The following SLC45A2 variants were observed in gnomAD, a reference collection of about 807,000 sequenced individuals.
SLC45A2 encodes the protein membrane-associated transporter protein.
Under a neutral mutation model 45.5 loss-of-function variants are expected in SLC45A2, and 36 were observed. That is an observed-to-expected ratio of 0.79 (90% CI 0.61 to 1.04). The LOEUF (loss-of-function observed/expected upper bound fraction) is 1.04. Among genes scored for constraint, SLC45A2 ranks in the 50% least tolerant of loss-of-function variants. SLC45A2 has a pLI of 0.00. For synonymous variants in SLC45A2, 306 were observed against 269.3 expected, an observed-to-expected ratio of 1.14 and a Z score of -1.33; for missense variants, 719 against 671.0, an observed-to-expected ratio of 1.07 and a Z score of -0.79.
At chr5:33,982,094 GA>G in intron 2 of SLC45A2, 141 bp downstream of exon 2, 1 of 888,578 alleles carries the variant, frequency 1.1e-6, no homozygotes. Flanking sequence ...TGCACGGGGA[GA>G]CAGTGCCCGC....
At position 33,984,498 on chromosome 5, in the gene SLC45A2, T is replaced by C. The variant is rs199882086; in HGVS notation, c.86A>G (p.Lys29Arg). ...DGPFDSVEPP[K>R]RPTSRLIMHS... The stretch of plus-strand genomic sequence containing the variant: ...CATGATGAGTCTGCTGGTGGGTCTT[T>C]TAGGCGGCTCCACAGAGTCAAAGGG... Residue 29 changes from lysine to arginine, a missense_variant, in exon 1 of 7, where the codon AAA becomes AGA. Lys to Arg is a conservative substitution (Grantham distance 26). Coordinates refer to ENST00000296589, the MANE Select transcript of SLC45A2 (RefSeq NM_016180.5). 3.0e-5 allele frequency: 49 copies of C among 1,613,350 alleles called. No individual in the cohort carries two copies. In the Admixed American group the frequency reaches 8.2e-4, roughly 27 times the overall value.
chr5:33,971,270 G>A, intron 2 of SLC45A2: 1 of 529,752 alleles, frequency 1.9e-6, no homozygotes, highest in Admixed American at 2.0e-5. Flanking sequence ...AGATTGGAGG[G>A]CTATCAGAAT....
intron 3 of SLC45A2, among the ~76,000 whole-genome samples, chr5:33,959,524 G>T (rs1178217818): frequency 1.3e-5 from 2 of 152,060 alleles, no homozygotes; most frequent in Admixed American, 6.6e-5. Context: ...TTGTGTGATT[G>T]AGATAAAATG....
chr5:33,975,593 T>C (rs964905502), intron 2 of SLC45A2, among the ~76,000 whole-genome samples: 2 of 152,238 alleles, frequency 1.3e-5, no homozygotes, highest in African/African-American at 2.4e-5. Flanking sequence ...TCTTTAATTA[T>C]TCTTATTAAG....
Position 33,961,352 on chromosome 5 carries a change from A to G in SLC45A2, c.888+2339T>C, listed in dbSNP as rs1752449897. Among the ~76,000 whole-genome samples, 4 of 152,320 alleles carry G rather than the reference A, an allele frequency of 2.6e-5. No individual in the cohort carries two copies. The South Asian group carries it at 8.3e-4, about 32-fold the overall frequency. ...AATTTTAGTTCCTATGCTGGCATTC[A>G]AAAGCTTCCAAAATGTGTCTCCAAT... On this transcript the variant is annotated intron_variant, in intron 3 of 6. Transcript: ENST00000296589.
intron 6 of SLC45A2, chr5:33,946,885 C>T (rs1751945712): frequency 7.2e-7 from 1 of 1,388,500 alleles, no homozygotes; most frequent in South Asian, 1.6e-5. Context: ...TCAGCCTCAC[C>T]AAGCCTTTTT....
rs547361176 is a variant in SLC45A2, at chr5:33,951,390, T to C, written c.1156+164A>G. 1.4e-5 allele frequency: 21 copies of C among 1,530,988 alleles called. No homozygotes were observed. In the East Asian group the frequency reaches 4.1e-4, roughly 30 times the overall value. The allele number at this position is 1,530,988 out of a possible 1,614,324, so 94.8% of individuals were successfully genotyped here. The stretch of plus-strand genomic sequence containing the variant: ...CCTAGAATTCATGATGAAAAAAGGA[T>C]GCTTTATATGGTCCTTTTTAAGGTG... On this transcript the variant is annotated intron_variant, in intron 5 of 6. Coordinates refer to ENST00000296589, the MANE Select transcript of SLC45A2 (RefSeq NM_016180.5).
chr5:33,953,607 G>A (rs952056932), intron 4 of SLC45A2, among the ~76,000 whole-genome samples: 3 of 147,630 alleles, frequency 2.0e-5, no homozygotes, highest in Non-Finnish European at 3.0e-5. Flanking sequence ...GCAAAATCAT[G>A]CCAAAATGTA....
At chr5:33,969,143 T>C (rs1752705644) in intron 2 of SLC45A2, among the ~76,000 whole-genome samples, 2 of 151,180 alleles carry the variant, frequency 1.3e-5, no homozygotes, top group African/African-American at 2.4e-5. Context: ...TTAGAGCACC[T>C]ATCTTCACCA....
At chr5:33,971,430 A>G (rs562562545) in intron 2 of SLC45A2, 2 of 438,774 alleles carry the variant, frequency 4.6e-6, no homozygotes, top group African/African-American at 2.1e-5. Context: ...CTGGACTGCA[A>G]CTTTTTTCCT....
rs1307137184 is a variant in SLC45A2 at position 33,951,608 on chromosome 5, C to T, written c.1102G>A (p.Glu368Lys). 5 of 1,614,126 alleles carry T rather than the reference C, an allele frequency of 3.1e-6. No homozygotes were observed. The Admixed American group carries it at 5.0e-5, about 16-fold the overall frequency. Residue 368 changes from glutamate to lysine, a missense_variant, in exon 5 of 7, where the codon GAG becomes AAG. Physicochemically the swap from Glu to Lys is moderately conservative, Grantham distance 56 (BLOSUM62 1). Transcript: ENST00000296589. Reference sequence around the variant, plus strand: ...ATGCACAAGCCCCAACATCCAACCTCGACTCCTCTTTCGTAGATGAGAAAC... The same window carrying T: ...ATGCACAAGCCCCAACATCCAACCTTGACTCCTCTTTCGTAGATGAGAAAC... ...TEFLIYERGV[E>K]VGCWGLCINS...
chr5:33,946,110 G>A (rs1312397214), intron 6 of SLC45A2: 2 of 985,218 alleles, frequency 2.0e-6, no homozygotes, highest in Admixed American at 1.2e-4. Flanking sequence ...GGCAGGATTT[G>A]AATCCAGGTT....
At chr5:33,968,757 T>C (rs1406360812) in intron 2 of SLC45A2, among the ~76,000 whole-genome samples, 2 of 152,228 alleles carry the variant, frequency 1.3e-5, no homozygotes, top group Non-Finnish European at 2.9e-5. Context: ...ACCTACCATC[T>C]GCCTGTAATT....
intron 2 of SLC45A2, among the ~76,000 whole-genome samples, chr5:33,978,084 G>A (rs912339776): frequency 6.6e-6 from 1 of 152,144 alleles, no homozygotes; most frequent in African/African-American, 2.4e-5. Flanking sequence ...TTGGCCAAGA[G>A]GATCCCAAAG....
intron 1 of SLC45A2, among the ~76,000 whole-genome samples, chr5:33,983,262 A>G (rs1407541966): frequency 1.3e-5 from 2 of 152,202 alleles, no homozygotes; most frequent in Non-Finnish European, 2.9e-5. Context: ...CTCCTATAAA[A>G]GATACATTGT....
intron 3 of SLC45A2, 144 bp from the exon 4 acceptor site, chr5:33,954,648 C>A: frequency 8.4e-7 from 1 of 1,188,314 alleles, no homozygotes; most frequent in Admixed American, 2.0e-5. Context: ...AACTAGGTTT[C>A]CATGGAGTAG....
chr5:33,982,148 C>T, intron 2 of SLC45A2, 88 bp downstream of exon 2: 1 of 1,492,302 alleles, frequency 6.7e-7, no homozygotes, highest in Non-Finnish European at 9.3e-7. Flanking sequence ...ATTCAAAAAA[C>T]TCCACGTGTA....
At chr5:33,958,923 G>T (rs1191089815) in intron 3 of SLC45A2, among the ~76,000 whole-genome samples, 1 of 152,146 alleles carries the variant, frequency 6.6e-6, no homozygotes, top group Non-Finnish European at 1.5e-5. Context: ...TATCGAAGGG[G>T]ACATCAAAGA....
intron 2 of SLC45A2, among the ~76,000 whole-genome samples, chr5:33,968,204 T>C (rs1298572072): frequency 6.6e-6 from 1 of 152,208 alleles, no homozygotes; most frequent in Non-Finnish European, 1.5e-5. Flanking sequence ...AAGGCCTTTC[T>C]TTTGCTTCTT....
Sources: allele counts gnomAD v4.1 joint callset (sites outside exome capture counted in the v4.1 genomes callset), GRCh38; gene constraint gnomAD v4.1.1; transcripts MANE v1.5; gene names NCBI Gene and HGNC (gene_info 2026-07-23, HGNC 2026-07-21).